Variants in LOC128125822 observed in about 807,000 individuals in gnomAD.
chr6:63,580,045 T>C, the LOC128125822 span: 1 of 1,587,214 alleles, frequency 6.3e-7, no homozygotes, highest in Non-Finnish European at 8.6e-7. Context: ...TTTTTTTTTT[T>C]TTTCCTCCCA....
chr6:63,581,677 A>G, the LOC128125822 span: 3 of 152,152 alleles, frequency 2.0e-5, no homozygotes, highest in Non-Finnish European at 4.4e-5. Flanking sequence ...GATAATTTTG[A>G]ACCAATTTAT....
the LOC128125822 span, chr6:63,576,803 A>G: frequency 3.5e-6 from 4 of 1,154,162 alleles, no homozygotes; most frequent in East Asian, 4.8e-5. Flanking sequence ...AGTAGACTTC[A>G]GTTTCTTTGC....
the LOC128125822 span, chr6:63,580,186 C>T: frequency 6.4e-7 from 1 of 1,571,926 alleles, no homozygotes; most frequent in Non-Finnish European, 8.7e-7. Context: ...ATTGGGGTGC[C>T]TAATGCTACT....
the LOC128125822 span, chr6:63,579,319 A>G: frequency 6.2e-7 from 1 of 1,601,986 alleles, no homozygotes; most frequent in Non-Finnish European, 8.5e-7. Flanking sequence ...GATGCAGTAC[A>G]ATTCATAAGA....
chr6:63,579,383 G>A, the LOC128125822 span: 1 of 1,393,058 alleles, frequency 7.2e-7, no homozygotes, highest in Non-Finnish European at 1.0e-6. Context: ...TCCTTGTTGA[G>A]TGTCAGTGAG....
chr6:63,576,938 C>G, the LOC128125822 span: 1 of 1,614,044 alleles, frequency 6.2e-7, no homozygotes, highest in Non-Finnish European at 8.5e-7. Context: ...CATGAGATTT[C>G]TTATTACACA....
the LOC128125822 span, among the ~76,000 whole-genome samples, chr6:63,574,913 C>T: frequency 2.6e-5 from 4 of 152,164 alleles, no homozygotes; most frequent in African/African-American, 9.7e-5. Context: ...TTTAACCCAG[C>T]TGACCAACTA....
chr6:63,580,242 C>T, the LOC128125822 span: 2 of 1,258,536 alleles, frequency 1.6e-6, no homozygotes, highest in African/African-American at 3.0e-5. Context: ...ACATATTAGC[C>T]AACATGTTGG....
the LOC128125822 span, chr6:63,572,547 T>C: frequency 5.0e-6 from 2 of 397,436 alleles, no homozygotes; most frequent in South Asian, 1.2e-4. Context: ...TCCGAGCCGC[T>C]CACTGCATGG....
At chr6:63,578,785 T>G in the LOC128125822 span, 70 of 1,199,538 alleles carry the variant, frequency 5.8e-5, no homozygotes, top group South Asian at 3.3e-4. Flanking sequence ...TAAGATTTGA[T>G]TAAACATTAA....
At chr6:63,578,623 A>G in the LOC128125822 span, 5 of 1,469,546 alleles carry the variant, frequency 3.4e-6, no homozygotes, top group Non-Finnish European at 4.5e-6. Context: ...TAAGTCATAA[A>G]TAGACCTCAA....
the LOC128125822 span, chr6:63,573,547 G>C: frequency 2.0e-5 from 3 of 152,272 alleles, no homozygotes; most frequent in Non-Finnish European, 4.4e-5. Flanking sequence ...CGCGTGCGCG[G>C]GGCGGCGGCC....
chr6:63,575,288 CTA>C, the LOC128125822 span, among the ~76,000 whole-genome samples: 3 of 152,202 alleles, frequency 2.0e-5, no homozygotes, highest in Admixed American at 6.5e-5. Flanking sequence ...GAGGCAGTGA[CTA>C]TGAATTACTG....
the LOC128125822 span, chr6:63,580,063 G>T: frequency 3.2e-3 from 5,085 of 1,608,658 alleles, 136 homozygotes; most frequent in African/African-American, 0.058. Flanking sequence ...CCAGAAAGCG[G>T]CGTGGAGCTT....
chr6:63,579,405 A>G, the LOC128125822 span: 2 of 1,041,340 alleles, frequency 1.9e-6, no homozygotes, highest in South Asian at 1.7e-5. Flanking sequence ...TTAATAGTCT[A>G]ATAGCCCATT....
the LOC128125822 span, among the ~76,000 whole-genome samples, chr6:63,575,105 G>A: frequency 6.6e-5 from 10 of 152,254 alleles, no homozygotes; most frequent in East Asian, 9.7e-4. Context: ...TCAAAATTTA[G>A]CAAAGTTCTA....
At chr6:63,583,261 AAGT>A in the LOC128125822 span, 2 of 152,252 alleles carry the variant, frequency 1.3e-5, no homozygotes, top group Non-Finnish European at 2.9e-5. Context: ...AAAATACATG[AAGT>A]AGTGTCTGCC....
chr6:63,579,066 T>G, the LOC128125822 span: 1 of 1,530,920 alleles, frequency 6.5e-7, no homozygotes, highest in Admixed American at 2.3e-5. Context: ...GGTAAAAATC[T>G]ATTGATAATG....
At chr6:63,574,682 A>G in the LOC128125822 span, among the ~76,000 whole-genome samples, 6 of 152,322 alleles carry the variant, frequency 3.9e-5, no homozygotes, top group Admixed American at 1.3e-4. Flanking sequence ...TTAGCTTTTA[A>G]TTGAAAAAAA....
Sources: gnomAD v4.1 joint callset for allele counts (sites outside exome capture counted in the v4.1 genomes callset) on GRCh38, gnomAD v4.1.1 for gene constraint, MANE v1.5 for transcripts.